CSMD1: variants seen among roughly 807,000 people sequenced by gnomAD.
CSMD1 encodes CUB and Sushi multiple domains 1, also known as CUB and sushi domain-containing protein 1.
CSMD1 carries 213 observed loss-of-function variants against 417.5 expected under a neutral mutation model. The ratio of observed to expected loss-of-function variants is 0.51; its 90% CI spans 0.46 to 0.57. CSMD1 has a LOEUF of 0.57. CSMD1 is among the 20% of genes least tolerant of loss of function. The pLI is 0.00. For synonymous variants in CSMD1, 2,862 were observed against 1,736.8 expected (o/e 1.65, Z -16.11); for missense variants, 6,923 against 4,529.7 (o/e 1.53, Z -15.17).
At chr8:4,245,971 G>T (rs767312732) in intron 3 of CSMD1, among the ~76,000 whole-genome samples, 1 of 152,098 alleles carries the variant, frequency 6.6e-6, no homozygotes, top group Admixed American at 6.5e-5. Context: ...TATCAGGGCC[G>T]TGGACAGGGA....
chr8:4,564,803 A>G (rs895752615), intron 2 of CSMD1, among the ~76,000 whole-genome samples: 5 of 152,206 alleles, frequency 3.3e-5, no homozygotes, highest in African/African-American at 1.2e-4. Context: ...TAGAATTTAA[A>G]ATATTTAGCT....
At chr8:3,289,391 G>C (rs1803385599) in intron 25 of CSMD1, among the ~76,000 whole-genome samples, 3 of 147,344 alleles carry the variant, frequency 2.0e-5, no homozygotes, top group Admixed American at 1.3e-4. Context: ...AGATCCCTGA[G>C]GAATCGCCAC....
chr8:3,967,718 G>T (rs866808332), intron 5 of CSMD1, among the ~76,000 whole-genome samples: 1 of 152,170 alleles, frequency 6.6e-6, no homozygotes, highest in African/African-American at 2.4e-5. Flanking sequence ...AAGTGGGCAA[G>T]AGATGAGTCC....
chr8:3,834,258 T>A (rs2129089452), intron 5 of CSMD1, among the ~76,000 whole-genome samples: 1 of 152,320 alleles, frequency 6.6e-6, no homozygotes, highest in South Asian at 2.1e-4. Context: ...CCATATATTC[T>A]CATCTGTATC....
At chr8:4,666,342 T>C (rs1804930375) in intron 1 of CSMD1, among the ~76,000 whole-genome samples, 1 of 152,128 alleles carries the variant, frequency 6.6e-6, no homozygotes, top group African/African-American at 2.4e-5. Flanking sequence ...AGAGAGGGCT[T>C]TTAACATGGA....
chr8:4,132,192 AT>A (rs5889019), intron 3 of CSMD1, among the ~76,000 whole-genome samples: 83 of 95,794 alleles, frequency 8.7e-4, no homozygotes, highest in African/African-American at 3.1e-3. Context: ...TTTGTCATGG[AT>A]TTTTTTTTTT....
At chr8:4,319,195 C>A (rs1452515187) in intron 3 of CSMD1, among the ~76,000 whole-genome samples, 1 of 152,078 alleles carries the variant, frequency 6.6e-6, no homozygotes, top group Non-Finnish European at 1.5e-5. Flanking sequence ...CCAGTAATTC[C>A]AATTACAGAT....
chr8:4,269,567 T>A (rs1415472451), intron 3 of CSMD1, among the ~76,000 whole-genome samples: 4 of 152,224 alleles, frequency 2.6e-5, no homozygotes, highest in Non-Finnish European at 2.9e-5. Context: ...TTTTCCTTTT[T>A]CTCCAATCTT....
chr8:4,276,992 A>G (rs1401435880), intron 3 of CSMD1, among the ~76,000 whole-genome samples: 1 of 152,102 alleles, frequency 6.6e-6, no homozygotes, highest in Non-Finnish European at 1.5e-5. Context: ...AAAAAGATAA[A>G]CTCCAGGTTA....
At chr8:3,369,700 C>G (rs1809827022) in intron 18 of CSMD1, among the ~76,000 whole-genome samples, 1 of 152,212 alleles carries the variant, frequency 6.6e-6, no homozygotes, top group Non-Finnish European at 1.5e-5. Flanking sequence ...AGCAGCACTT[C>G]ATTGAGTTCA....
chr8:3,949,899 A>C, intron 5 of CSMD1: 1 of 455,888 alleles, frequency 2.2e-6, no homozygotes, highest in Non-Finnish European at 4.4e-6. Context: ...TTGTGCCTCC[A>C]TGGGAAGCTC....
At position 3,051,710 on chromosome 8, in the gene CSMD1, G is replaced by A. The variant is rs888732931; in HGVS notation, c.7660+752C>T. ...AAAAATTCATTGTCTATACAGAAAT[G>A]TTATATAGTTTTTAACTTAGAAAAA... On this transcript the variant is annotated intron_variant, in intron 50 of 69. Transcript: ENST00000635120. Among the ~76,000 whole-genome samples the A allele has an allele frequency of 2.0e-5, 3 of 152,090 alleles. No individual in the cohort carries two copies. The South Asian group carries it at 6.2e-4, about 32-fold the overall frequency.
intron 3 of CSMD1, among the ~76,000 whole-genome samples, chr8:4,246,325 C>T (rs868465546): frequency 8.5e-5 from 13 of 152,144 alleles, no homozygotes; most frequent in African/African-American, 1.7e-4. Context: ...CCTCCACCTC[C>T]ATCCACGTCC....
At chr8:3,309,604 T>A (rs1012040929) in intron 23 of CSMD1, among the ~76,000 whole-genome samples, 4 of 145,020 alleles carry the variant, frequency 2.8e-5, no homozygotes, top group Non-Finnish European at 6.1e-5. Flanking sequence ...CATATCATGA[T>A]GCAAATTTTG....
chr8:3,097,859 A>T (rs1289181492), intron 46 of CSMD1, among the ~76,000 whole-genome samples: 2 of 152,218 alleles, frequency 1.3e-5, no homozygotes, highest in East Asian at 3.9e-4. Context: ...CCTGGTCTCA[A>T]TCCCACATGG....
chr8:4,577,890 T>G (rs963534594), intron 2 of CSMD1, among the ~76,000 whole-genome samples: 1 of 152,210 alleles, frequency 6.6e-6, no homozygotes, highest in African/African-American at 2.4e-5. Context: ...AAATATATAG[T>G]AAATGTATCA....
At chr8:4,070,730 C>A (rs1287242951) in intron 3 of CSMD1, among the ~76,000 whole-genome samples, 1 of 152,234 alleles carries the variant, frequency 6.6e-6, no homozygotes, top group South Asian at 2.1e-4. Context: ...GAAGCCCGAG[C>A]AACCATCTCA....
chr8:4,761,218 G>T (rs765912406), intron 1 of CSMD1, among the ~76,000 whole-genome samples: 13 of 152,138 alleles, frequency 8.5e-5, no homozygotes, highest in Non-Finnish European at 1.6e-4. Flanking sequence ...GAGTAGCCAG[G>T]AGGTCACAGG....
intron 1 of CSMD1, among the ~76,000 whole-genome samples, chr8:4,780,854 A>G (rs925083111): frequency 1.3e-5 from 2 of 152,174 alleles, no homozygotes; most frequent in African/African-American, 4.8e-5. Flanking sequence ...TCCACTTAAA[A>G]CAATAATCTC....
Sources: allele counts gnomAD v4.1 joint callset (sites outside exome capture counted in the v4.1 genomes callset), GRCh38; gene constraint gnomAD v4.1.1; transcripts MANE v1.5; gene names NCBI Gene and HGNC (gene_info 2026-07-23, HGNC 2026-07-21).